ADGRB3: variants seen among roughly 807,000 people sequenced by gnomAD.
ADGRB3 encodes the protein adhesion G protein-coupled receptor B3.
In ADGRB3, 37 loss-of-function variants were observed where a neutral mutation model predicts 193.4. The ratio of observed to expected loss-of-function variants is 0.19; its 90% CI spans 0.15 to 0.25. The LOEUF is 0.25. Ranked by LOEUF, ADGRB3 falls within the 10% of genes least tolerant of loss-of-function variation. The probability of loss-of-function intolerance (pLI) is 1.00; values close to 1 mark genes in which losing one functional copy is unlikely to be tolerated. For synonymous variants in ADGRB3, 690 were observed against 644.2 expected, an observed-to-expected ratio of 1.07 and a Z score of -1.08; for missense variants, 1,637 against 1,852.9, an observed-to-expected ratio of 0.88 and a Z score of 2.14.
chr6:69,186,653 C>T (rs1765076684), intron 17 of ADGRB3, among the ~76,000 whole-genome samples: 1 of 152,006 alleles, frequency 6.6e-6, no homozygotes. Context: ...ACAGAATAAA[C>T]TAAAATCTCC....
chr6:68,661,013 CAT>C (rs964519835), intron 3 of ADGRB3, among the ~76,000 whole-genome samples: 3 of 150,306 alleles, frequency 2.0e-5, no homozygotes, highest in African/African-American at 7.3e-5. Context: ...TAATTACTAA[CAT>C]ATATAAAGCA....
At chr6:68,913,394 C>T (rs28893816) in intron 3 of ADGRB3, among the ~76,000 whole-genome samples, 3,792 of 152,180 alleles carry the variant, frequency 0.025, 149 homozygotes, top group African/African-American at 0.085. Context: ...CACGAAAATC[C>T]GCTGTTCTGC....
At chr6:68,854,384 T>C (rs1187160729) in intron 3 of ADGRB3, among the ~76,000 whole-genome samples, 3 of 152,188 alleles carry the variant, frequency 2.0e-5, no homozygotes, top group African/African-American at 7.2e-5. Flanking sequence ...AGAAGGTGGA[T>C]GTATTCTCGC....
At chr6:69,355,431 G>A (rs1405861348) in intron 27 of ADGRB3, among the ~76,000 whole-genome samples, 4 of 152,068 alleles carry the variant, frequency 2.6e-5, no homozygotes, top group South Asian at 2.1e-4. Flanking sequence ...TATTCAAATT[G>A]AATGTTTAAA....
chr6:68,732,394 G>C (rs1338356885), intron 3 of ADGRB3, among the ~76,000 whole-genome samples: 1 of 151,714 alleles, frequency 6.6e-6, no homozygotes, highest in African/African-American at 2.4e-5. Context: ...AAACATAGAG[G>C]GGAACAACAC....
In ADGRB3 at chr6:69,082,815, G is replaced by T. The variant is rs146998364; in HGVS notation, c.2480+6777G>T. On this transcript the variant is annotated intron_variant, in intron 17 of 31. Transcript: ENST00000370598. ...CTCACTCATTGTACTTTATCTCTTA[G>T]TGTGCTAGGTTATGTCATGTTAATT... Among the ~76,000 whole-genome samples the T allele has an allele frequency of 5.9e-5, 9 of 152,092 alleles. No individual in the cohort carries two copies. The East Asian group carries it at 1.7e-3, about 29-fold the overall frequency.
chr6:68,769,577 T>A (rs1766576188), intron 3 of ADGRB3, among the ~76,000 whole-genome samples: 1 of 152,020 alleles, frequency 6.6e-6, no homozygotes, highest in South Asian at 2.1e-4. Flanking sequence ...TTAGGAGAAA[T>A]ACCTAATGTA....
At chr6:68,674,168 CA>C (rs1769029308) in intron 3 of ADGRB3, among the ~76,000 whole-genome samples, 1 of 151,990 alleles carries the variant, frequency 6.6e-6, no homozygotes, top group African/African-American at 2.4e-5. Flanking sequence ...GAGTGGTTGG[CA>C]TCTTATACAG....
At chr6:69,288,926 T>A (rs905923920) in intron 20 of ADGRB3, among the ~76,000 whole-genome samples, 1 of 152,194 alleles carries the variant, frequency 6.6e-6, no homozygotes, top group Non-Finnish European at 1.5e-5. Context: ...TTGTACTCCA[T>A]ACTTCCTTTC....
chr6:69,359,840 T>C (rs909856238), intron 28 of ADGRB3, among the ~76,000 whole-genome samples: 2 of 151,884 alleles, frequency 1.3e-5, no homozygotes, highest in African/African-American at 4.8e-5. Context: ...TCTGTGTGCT[T>C]TCAATTCCAA....
At chr6:68,724,076 A>G (rs764687514) in intron 3 of ADGRB3, among the ~76,000 whole-genome samples, 4 of 151,538 alleles carry the variant, frequency 2.6e-5, no homozygotes, top group Non-Finnish European at 5.9e-5. Flanking sequence ...CAGGGTCTCT[A>G]ATAAAAGTAT....
At chr6:68,797,923 A>G (rs1043046076) in intron 3 of ADGRB3, among the ~76,000 whole-genome samples, 1 of 151,922 alleles carries the variant, frequency 6.6e-6, no homozygotes, top group Admixed American at 6.6e-5. Flanking sequence ...TTTCAGTTTG[A>G]CTCGTTCTAA....
intron 16 of ADGRB3, among the ~76,000 whole-genome samples, chr6:69,073,527 T>G (rs903903700): frequency 6.6e-6 from 1 of 152,060 alleles, no homozygotes; most frequent in Non-Finnish European, 1.5e-5. Context: ...ACAGGGGCCC[T>G]CGGCAAAGCC....
chr6:69,386,158 G>T (rs1440162232), intron 31 of ADGRB3, among the ~76,000 whole-genome samples: 1 of 152,034 alleles, frequency 6.6e-6, no homozygotes, highest in Non-Finnish European at 1.5e-5. Flanking sequence ...GAATTCAATA[G>T]GTCATGTAGT....
intron 3 of ADGRB3, among the ~76,000 whole-genome samples, chr6:68,677,104 A>G (rs1276079080): frequency 6.6e-6 from 1 of 152,138 alleles, no homozygotes; most frequent in Non-Finnish European, 1.5e-5. Context: ...GATTCCATAC[A>G]TTACTATTTG....
At chr6:69,073,561 C>T (rs1582440621) in intron 16 of ADGRB3, among the ~76,000 whole-genome samples, 1 of 152,116 alleles carries the variant, frequency 6.6e-6, no homozygotes. Context: ...CTGGCTTCCC[C>T]CTGGCAGACT....
chr6:68,753,377 C>T (rs559589510), intron 3 of ADGRB3, among the ~76,000 whole-genome samples: 95 of 152,192 alleles, frequency 6.2e-4, no homozygotes, highest in African/African-American at 2.2e-3. Context: ...ATAGCTAACG[C>T]CACAAGAATT....
chr6:69,285,554 C>A (rs978396281), intron 20 of ADGRB3, among the ~76,000 whole-genome samples: 4 of 151,950 alleles, frequency 2.6e-5, no homozygotes, highest in African/African-American at 9.7e-5. Flanking sequence ...GCCTGTAATC[C>A]CAGCTACTTG....
intron 3 of ADGRB3, among the ~76,000 whole-genome samples, chr6:68,835,004 G>A (rs563146): frequency 0.24 from 36,381 of 151,646 alleles, 4,866 homozygotes; most frequent in East Asian, 0.58. Context: ...ACTATAGAAC[G>A]TATTTATTTA....
Sources: allele counts gnomAD v4.1 joint callset (sites outside exome capture counted in the v4.1 genomes callset), GRCh38; gene constraint gnomAD v4.1.1; transcripts MANE v1.5; gene names NCBI Gene and HGNC (gene_info 2026-07-23, HGNC 2026-07-21).